TOGARAM1: variants seen among roughly 807,000 people sequenced by gnomAD.
The protein encoded by TOGARAM1 is TOG array regulator of axonemal microtubules 1, also known as TOG array regulator of axonemal microtubules protein 1.
A neutral mutation model predicts 166.6 loss-of-function variants in TOGARAM1; 100 were observed. The observed-to-expected ratio is 0.60, with a 90% CI of 0.51 to 0.71. TOGARAM1 has a LOEUF of 0.71. Among genes scored for constraint, TOGARAM1 ranks in the 30% least tolerant of loss-of-function variants. The pLI is 0.00. For missense variants in TOGARAM1, 2,029 were observed against 2,102.7 expected (o/e 0.96, Z 0.69); for synonymous variants, 758 against 763.8 (o/e 0.99, Z 0.13).
At position 45,044,851 on chromosome 14, in the gene TOGARAM1, C is replaced by T; in HGVS notation, c.4135C>T (p.Leu1379Phe). ...NVTPARAVVSLINGGQSHLHI... is the reference protein window; with the variant it reads ...NVTPARAVVSFINGGQSHLHI... The stretch of plus-strand genomic sequence containing the variant: ...AACTCCTGCACGTGCAGTTGTTTCT[C>T]TTATCAATGGTGGACAAAGGTAATG... Residue 1379 changes from leucine (L) to phenylalanine (F), a missense_variant, in exon 13 of 20, where the codon CTT becomes TTT. Transcript: ENST00000361462. 3 of 1,611,574 alleles carry T rather than the reference C, an allele frequency of 1.9e-6. No homozygotes were observed. The highest frequency in any genetic ancestry group is 2.5e-6 in the Non-Finnish European group (3 of 1,178,694).
At chr14:44,999,581 G>GTACTCA in intron 3 of TOGARAM1, 84 bp downstream of exon 3, 12 of 1,113,304 alleles carry the variant, frequency 1.1e-5, no homozygotes, top group Non-Finnish European at 1.5e-5. Flanking sequence ...GATATTTTGT[G>GTACTCA]TACTCATACT....
intron 11 of TOGARAM1, among the ~76,000 whole-genome samples, chr14:45,034,470 A>G (rs543821552): frequency 1.3e-5 from 2 of 152,336 alleles, no homozygotes; most frequent in South Asian, 2.1e-4. Context: ...TTAGCAGACA[A>G]CTGGTCGGGG....
At chr14:45,044,455 T>C (rs1004020471) in intron 12 of TOGARAM1, among the ~76,000 whole-genome samples, 180 bp from the exon 13 acceptor site, 3 of 151,796 alleles carry the variant, frequency 2.0e-5, no homozygotes, top group Admixed American at 6.6e-5. Flanking sequence ...GCAAGAGAAT[T>C]GCTTGGACCT....
At chr14:45,054,365 A>T (rs1308647909) in intron 15 of TOGARAM1, 66 bp from the exon 16 acceptor site, 1 of 965,176 alleles carries the variant, frequency 1.0e-6, no homozygotes, top group African/African-American at 1.7e-5. Context: ...TGAAAATTAC[A>T]TTGTGTAAAT....
rs541104676 is a variant in TOGARAM1, at chr14:44,997,911, T to C, written c.2204-1452T>C. 3.2e-4 allele frequency among the ~76,000 whole-genome samples: 49 copies of C among 152,284 alleles called. 1 individual carries two copies. The South Asian group carries it at 9.1e-3, about 28-fold the overall frequency. ...ACCCAGGTAATAAGAAAAATTGTAG[T>C]GTGTTGACAAAGTGATACCTATTAG... On this transcript the variant is annotated intron_variant, in intron 2 of 19. Transcript: ENST00000361462.
In TOGARAM1 at chr14:44,962,950, A is replaced by G. The variant is rs1885265717; in HGVS notation, c.529A>G (p.Ser177Gly). 3.1e-6 allele frequency: 5 copies of G among 1,614,180 alleles called. No individual in the cohort carries two copies. Among genetic ancestry groups the G allele is most frequent in the Admixed American group, 1.7e-5 (1 of 60,020 alleles). Residue 177 changes from serine (S) to glycine (G), a missense_variant, in exon 1 of 20, where the codon AGC becomes GGC. Coordinates refer to ENST00000361462, the MANE Select transcript of TOGARAM1 (RefSeq NM_001308120.2). ...GEAGQLEEAF[S>G]LALLPQLVVS... ...GGCAGGCCAGCTTGAAGAGGCCTTT[A>G]GCTTAGCACTTTTGCCTCAACTAGT...
intron 1 of TOGARAM1, among the ~76,000 whole-genome samples, chr14:44,967,290 G>A (rs200836370): frequency 2.0e-5 from 3 of 151,650 alleles, no homozygotes; most frequent in East Asian, 3.9e-4. Flanking sequence ...ATCTCCCTTC[G>A]TTCACAATAA....
At chr14:44,998,447 G>C (rs1056982719) in intron 2 of TOGARAM1, among the ~76,000 whole-genome samples, 9 of 152,220 alleles carry the variant, frequency 5.9e-5, no homozygotes, top group Non-Finnish European at 1.3e-4. Flanking sequence ...GGGCGCTGTG[G>C]CTCACGCCTG....
intron 1 of TOGARAM1, among the ~76,000 whole-genome samples, chr14:44,969,141 C>CTTT (rs1566595662): frequency 1.3e-4 from 17 of 126,742 alleles, no homozygotes; most frequent in African/African-American, 1.9e-4. Context: ...TTCCTTCCTT[C>CTTT]CTTCCTTTCT....
intron 11 of TOGARAM1, among the ~76,000 whole-genome samples, chr14:45,033,112 G>A (rs1295208191): frequency 6.6e-6 from 1 of 152,006 alleles, no homozygotes; most frequent in Non-Finnish European, 1.5e-5. Context: ...AATTAGCCAG[G>A]CATGGTGGCA....
Position 44,962,200 on chromosome 14 carries a change from C to G in TOGARAM1, c.-222C>G. On this transcript the variant is annotated 5_prime_UTR_variant, in exon 1 of 20. Transcript: ENST00000361462. ...GCAATCGGTTTGGTCACGTGGTGCC[C>G]TTGGTTACGCCCGGTGGCAGCTGTG... The G allele has an allele frequency of 4.0e-6, 2 of 503,896 alleles. No homozygotes were observed. The highest frequency in any genetic ancestry group is 6.9e-6 in the Non-Finnish European group (2 of 289,326). 31.2% of individuals were successfully genotyped at this position (503,896 alleles called of 1,614,324 possible).
At chr14:44,990,705 T>C (rs1470964245) in intron 1 of TOGARAM1, among the ~76,000 whole-genome samples, 1 of 152,220 alleles carries the variant, frequency 6.6e-6, no homozygotes, top group Non-Finnish European at 1.5e-5. Context: ...ATAGTCTGTA[T>C]TTTGTTTGCA....
intron 7 of TOGARAM1, among the ~76,000 whole-genome samples, chr14:45,017,297 G>C (rs915293684): frequency 2.0e-5 from 3 of 151,708 alleles, no homozygotes; most frequent in African/African-American, 7.3e-5. Flanking sequence ...TATGATTTTT[G>C]GGCTTCCCTG....
rs1389691557 is a variant in TOGARAM1 at position 45,012,028 on chromosome 14, C to T, written c.3191C>T (p.Ser1064Phe). The T allele has an allele frequency of 1.2e-6, 2 of 1,611,376 alleles. No homozygotes were observed. The highest frequency in any genetic ancestry group is 1.3e-5 in the African/African-American group (1 of 74,800). ...AAACCTTGTCCAACAAGACTTTCTT[C>T]TGCAAAGAAAAAAATTTCTCATATT... ...GSKPCPTRLS[S>F]AKKKISHIAE... The change falls in exon 7 of 20, where the codon TCT becomes TTT. Residue 1064 changes from serine to phenylalanine, a missense_variant. This residue lies in a region of TOGARAM1 where 1,453 missense variants were observed against 1,432.2 expected (regional missense o/e 1.01). Coordinates refer to ENST00000361462, the MANE Select transcript of TOGARAM1 (RefSeq NM_001308120.2).
intron 1 of TOGARAM1, among the ~76,000 whole-genome samples, chr14:44,990,692 T>C (rs1887074486): frequency 6.6e-6 from 1 of 152,236 alleles, no homozygotes; most frequent in Non-Finnish European, 1.5e-5. Context: ...ACAAAATAGC[T>C]AAATAGTCTG....
rs1566585277 is a variant in TOGARAM1 at position 44,962,279 on chromosome 14, G to A, written c.-143G>A. ...TGCCAGAGGCTGCCTCCCGGAGTTG[G>A]GGGCGGCCTGGCGGCAGGCTGAAGC... On this transcript the variant is annotated 5_prime_UTR_variant, in exon 1 of 20. Coordinates refer to ENST00000361462, the MANE Select transcript of TOGARAM1 (RefSeq NM_001308120.2). 3 of 1,069,328 alleles carry A rather than the reference G, an allele frequency of 2.8e-6. No individual in the cohort carries two copies. The highest frequency in any genetic ancestry group is 3.8e-6 in the Non-Finnish European group (3 of 786,814). 66.2% of individuals were successfully genotyped at this position (1,069,328 alleles called of 1,614,324 possible).
chr14:45,026,835 C>CAAA (rs57156294), intron 8 of TOGARAM1, among the ~76,000 whole-genome samples: 6,558 of 139,576 alleles, frequency 0.047, 493 homozygotes, highest in African/African-American at 0.16. Context: ...CCATCTCTAC[C>CAAA]AAAAAAAAAA....
chr14:44,987,496 C>T (rs1324358829), intron 1 of TOGARAM1, among the ~76,000 whole-genome samples: 1 of 152,142 alleles, frequency 6.6e-6, no homozygotes, highest in Admixed American at 6.5e-5. Context: ...CCCACAGACA[C>T]ATGAAAAAAT....
chr14:45,028,159 T>C lies in TOGARAM1; in HGVS notation c.3505-17T>C. On this transcript the variant is annotated splice_polypyrimidine_tract_variant and intron_variant, in intron 9 of 19. Coordinates refer to ENST00000361462, the MANE Select transcript of TOGARAM1 (RefSeq NM_001308120.2). ...AAAGTCCCTGAATATTTTCAGACTT[T>C]CAACTTTTTCATGCAGGCTAAAGTT... The C allele has an allele frequency of 6.4e-7, 1 of 1,556,752 alleles. No individual in the cohort carries two copies. The highest frequency in any genetic ancestry group is 8.6e-7 in the Non-Finnish European group (1 of 1,159,146).
Sources: allele counts gnomAD v4.1 joint callset (sites outside exome capture counted in the v4.1 genomes callset), GRCh38; gene constraint gnomAD v4.1.1; regional missense constraint gnomAD v4.1.1; transcripts MANE v1.5; gene names NCBI Gene and HGNC (gene_info 2026-07-23, HGNC 2026-07-21).